The following PAPOLA variants were observed in gnomAD, a reference collection of about 807,000 sequenced individuals.
PAPOLA encodes the protein polynucleotide adenylyltransferase alpha.
PAPOLA carries 15 observed loss-of-function variants against 100.6 expected under a neutral mutation model. The observed-to-expected ratio is 0.15, with a 90% CI of 0.10 to 0.23. The LOEUF is 0.23. PAPOLA is among the 10% of genes least tolerant of loss of function. The pLI is 1.00. For missense variants in PAPOLA, 533 were observed against 884.2 expected, an observed-to-expected ratio of 0.60 and a Z score of 5.04; for synonymous variants, 293 against 300.0, an observed-to-expected ratio of 0.98 and a Z score of 0.24.
rs71103533 is a variant in PAPOLA, at chr14:96,507,280, G to GTTTTTTTTTTTTTTTTTTTTTTT, written c.8+4683_8+4705dup. Among the ~76,000 whole-genome samples, 5 of 80,700 alleles carry GTTTTTTTTTTTTTTTTTTTTTTT rather than the reference G, an allele frequency of 6.2e-5. 1 individual carries two copies. Among genetic ancestry groups the GTTTTTTTTTTTTTTTTTTTTTTT allele is most frequent in the African/African-American group, 1.1e-4 (2 of 17,602 alleles). 52.9% of individuals were successfully genotyped at this position (80,700 alleles called of 152,430 possible). On this transcript the variant is annotated intron_variant, in intron 1 of 21. Coordinates refer to ENST00000216277, the MANE Select transcript of PAPOLA (RefSeq NM_032632.5). ...ACTAAATTTTTTGTTTTGGAAAATA[G>GTTTTTTTTTTTTTTTTTTTTTTT]TTTTTTTTTTTTTTTTTTTTTTTTT...
chr14:96,556,878 G>A (rs983723219), intron 19 of PAPOLA, among the ~76,000 whole-genome samples: 1 of 152,108 alleles, frequency 6.6e-6, no homozygotes, highest in African/African-American at 2.4e-5. Flanking sequence ...TGAATGATAA[G>A]TGCATGCAGC....
At chr14:96,548,731 A>G (rs1021375570) in intron 16 of PAPOLA, among the ~76,000 whole-genome samples, 1 of 152,234 alleles carries the variant, frequency 6.6e-6, no homozygotes, top group Non-Finnish European at 1.5e-5. Flanking sequence ...AGGAGAGAAT[A>G]TGAAATAAAA....
chr14:96,530,317 T>C (rs1898880295), intron 6 of PAPOLA, among the ~76,000 whole-genome samples: 1 of 152,172 alleles, frequency 6.6e-6, no homozygotes, highest in South Asian at 2.1e-4. Flanking sequence ...ATAATTGTGA[T>C]TAAACTGACA....
At chr14:96,534,007 T>A in intron 9 of PAPOLA, 1 of 986,864 alleles carries the variant, frequency 1.0e-6, no homozygotes, top group Non-Finnish European at 1.2e-6. Context: ...AATGTGGTTA[T>A]GCCACCAAGT....
intron 1 of PAPOLA, 89 bp from the exon 2 acceptor site, chr14:96,519,962 ATGTG>A: frequency 9.4e-7 from 1 of 1,069,348 alleles, no homozygotes; most frequent in Non-Finnish European, 1.3e-6. Flanking sequence ...ATGTTTAGAA[ATGTG>A]TGTTACTAAA....
At chr14:96,522,116 C>CTTTTTTT (rs754167531) in intron 3 of PAPOLA, among the ~76,000 whole-genome samples, 33 of 57,846 alleles carry the variant, frequency 5.7e-4, no homozygotes, top group East Asian at 8.7e-4. Context: ...TTCTTTCTTT[C>CTTTTTTT]TTTTTTTTTT....
At chr14:96,506,650 T>C (rs1196046750) in intron 1 of PAPOLA, among the ~76,000 whole-genome samples, 1 of 152,184 alleles carries the variant, frequency 6.6e-6, no homozygotes, top group Non-Finnish European at 1.5e-5. Flanking sequence ...CTGCTGACAT[T>C]GGTGGTAATA....
chr14:96,556,056 C>T (rs935059404), intron 18 of PAPOLA, 109 bp downstream of exon 18: 10 of 1,162,956 alleles, frequency 8.6e-6, no homozygotes, highest in Non-Finnish European at 1.3e-5. Context: ...TTTTTAAATG[C>T]CAGTTTATTT....
chr14:96,564,687 T>C (rs1902140418), intron 21 of PAPOLA, among the ~76,000 whole-genome samples: 1 of 152,074 alleles, frequency 6.6e-6, no homozygotes, highest in South Asian at 2.1e-4. Flanking sequence ...AGAGGAACAA[T>C]TTTAAAAACT....
intron 10 of PAPOLA, chr14:96,535,154 A>G: frequency 1.1e-6 from 1 of 942,308 alleles, no homozygotes; most frequent in Non-Finnish European, 1.3e-6. Context: ...GCACTTTATA[A>G]ACTGATAAAA....
intron 1 of PAPOLA, among the ~76,000 whole-genome samples, chr14:96,506,587 C>G (rs543933609): frequency 3.9e-5 from 6 of 152,310 alleles, no homozygotes; most frequent in African/African-American, 1.4e-4. Context: ...TTTTAGAAAG[C>G]TTGCTTTTCC....
At chr14:96,523,008 G>A (rs1234543634) in intron 3 of PAPOLA, among the ~76,000 whole-genome samples, 1 of 152,070 alleles carries the variant, frequency 6.6e-6, no homozygotes, top group Non-Finnish European at 1.5e-5. Flanking sequence ...TTATAGTACT[G>A]TTTACTTATG....
intron 1 of PAPOLA, among the ~76,000 whole-genome samples, chr14:96,519,818 T>C (rs1305452665): frequency 1.3e-5 from 2 of 152,226 alleles, no homozygotes; most frequent in East Asian, 1.9e-4. Context: ...TCTCTAGCAA[T>C]GTATTTGGTC....
chr14:96,532,946 G>T, intron 9 of PAPOLA: 1 of 1,070,478 alleles, frequency 9.3e-7, no homozygotes, highest in Non-Finnish European at 1.1e-6. Context: ...TGGGAAATCA[G>T]TTACTATACT....
intron 1 of PAPOLA, among the ~76,000 whole-genome samples, chr14:96,517,781 G>A (rs180829048): frequency 2.1e-5 from 3 of 142,830 alleles, no homozygotes; most frequent in East Asian, 4.2e-4. Flanking sequence ...TTGGCTTACC[G>A]CAACCTCCAC....
chr14:96,533,601 C>T (rs957236174), intron 9 of PAPOLA: 2 of 822,668 alleles, frequency 2.4e-6, no homozygotes, highest in African/African-American at 2.1e-5. Flanking sequence ...GTCACCCAGG[C>T]TGGAGTGCAG....
chr14:96,532,370 A>G lies in PAPOLA; in HGVS notation c.647A>G (p.Asn216Ser), dbSNP rs770990359. 2 of 1,613,638 alleles carry G rather than the reference A, an allele frequency of 1.2e-6. No homozygotes were observed. The highest frequency in any genetic ancestry group is 1.7e-6 in the Non-Finnish European group (2 of 1,179,890). ...VTDEILHLVP[N>S]IDNFRLTLRA... is the part of the protein sequence containing the mutation. Reference sequence around the variant, plus strand: ...GATGAAATTTTACATCTAGTACCAAACATTGACAACTTCAGGTTAACTCTG... The same window carrying G: ...GATGAAATTTTACATCTAGTACCAAGCATTGACAACTTCAGGTTAACTCTG... The change falls in exon 8 of 22, where the codon AAC becomes AGC. Residue 216 changes from asparagine (N) to serine (S), a missense_variant. By Grantham distance (46) the Asn-to-Ser change is conservative (BLOSUM62 1). Around this residue, in one of 9 missense-constraint regions of PAPOLA, gnomAD observed 32 missense variants for 95.0 expected, o/e 0.34. Transcript: ENST00000216277.
At chr14:96,513,484 A>G (rs750003549) in intron 1 of PAPOLA, among the ~76,000 whole-genome samples, 1 of 152,232 alleles carries the variant, frequency 6.6e-6, no homozygotes, top group Non-Finnish European at 1.5e-5. Context: ...TTTGTAATAA[A>G]TAGATCGCTG....
chr14:96,534,669 C>T (rs921582739), intron 10 of PAPOLA, 106 bp downstream of exon 10: 2 of 1,577,456 alleles, frequency 1.3e-6, no homozygotes, highest in Non-Finnish European at 8.6e-7. Flanking sequence ...TATGAATGGT[C>T]ATGTCCGTAT....
Sources: gnomAD v4.1 joint callset for allele counts (sites outside exome capture counted in the v4.1 genomes callset) on GRCh38, gnomAD v4.1.1 for gene constraint, gnomAD v4.1.1 regional missense constraint, MANE v1.5 for transcripts, NCBI Gene and HGNC (gene_info 2026-07-23, HGNC 2026-07-21) for gene names.